CHRNA2: variants seen among roughly 807,000 people sequenced by gnomAD.
CHRNA2 encodes the protein neuronal acetylcholine receptor subunit alpha-2.
A neutral mutation model predicts 45.5 loss-of-function variants in CHRNA2; 40 were observed. The ratio of observed to expected loss-of-function variants is 0.88; its 90% confidence interval spans 0.68 to 1.15. The LOEUF (loss-of-function observed/expected upper bound fraction) is 1.15. Ranked by LOEUF, CHRNA2 falls within the 50% of genes most tolerant of loss-of-function variation. CHRNA2 has a pLI of 0.00. For missense variants in CHRNA2, 655 were observed against 701.7 expected (o/e 0.93, Z 0.75); for synonymous variants, 301 against 296.7 (o/e 1.01, Z -0.15).
chr8:27,470,060 C>A, intron 2 of CHRNA2, 79 bp from the exon 3 acceptor site: 3 of 1,302,660 alleles, frequency 2.3e-6, no homozygotes, highest in Non-Finnish European at 3.3e-6. Context: ...TATCCAGAAC[C>A]TATCTCAAAA....
intron 1 of CHRNA2, among the ~76,000 whole-genome samples, chr8:27,473,622 G>C (rs922921928): frequency 1.3e-5 from 2 of 151,510 alleles, no homozygotes; most frequent in African/African-American, 4.9e-5. Flanking sequence ...AGGGAGGGTC[G>C]TGTGAGCCTG....
Position 27,459,987 on chromosome 8 carries a change from TGTG to T in CHRNA2, c.*1639_*1641del, listed in dbSNP as rs1364162856. On this transcript the variant is annotated 3_prime_UTR_variant, in exon 7 of 7. Coordinates refer to ENST00000407991, the MANE Select transcript of CHRNA2 (RefSeq NM_000742.4). ...CCAGATGTGCCATGAGCAGGGGGGT[TGTG>T]GGAGAGAAGTGAGGCATGGCAGGGC... The T allele has an allele frequency of 6.6e-6, 1 of 152,518 alleles. No homozygotes were observed. Among genetic ancestry groups the T allele is most frequent in the Non-Finnish European group, 1.5e-5 (1 of 68,460 alleles). The allele number at this position is 152,518 out of a possible 1,614,324, so 9.4% of individuals were successfully genotyped here.
At chr8:27,478,790 C>G (rs943883768) in intron 1 of CHRNA2, 34 bp downstream of exon 1, 2 of 152,146 alleles carry the variant, frequency 1.3e-5, no homozygotes, top group African/African-American at 2.4e-5. Context: ...ACATGCATGC[C>G]GCCCTCAACA....
At chr8:27,475,685 G>C (rs1813040013) in intron 1 of CHRNA2, among the ~76,000 whole-genome samples, 1 of 152,034 alleles carries the variant, frequency 6.6e-6, no homozygotes, top group African/African-American at 2.4e-5. Flanking sequence ...GTTAATAATG[G>C]TTACATTATT....
intron 1 of CHRNA2, among the ~76,000 whole-genome samples, chr8:27,473,478 G>A (rs913125908): frequency 1.3e-5 from 2 of 150,992 alleles, no homozygotes; most frequent in African/African-American, 4.9e-5. Flanking sequence ...GATGGAAGGA[G>A]TGTTTGAGCT....
intron 1 of CHRNA2, among the ~76,000 whole-genome samples, chr8:27,471,936 C>G (rs1287636078): frequency 6.6e-6 from 1 of 152,176 alleles, no homozygotes; most frequent in Non-Finnish European, 1.5e-5. Context: ...CAGCCCCACC[C>G]CTCAAACCTC....
intron 5 of CHRNA2, 47 bp downstream of exon 5, chr8:27,467,182 G>T: frequency 6.8e-7 from 1 of 1,478,068 alleles, no homozygotes; most frequent in Non-Finnish European, 9.5e-7. Flanking sequence ...CCCGGCCCCT[G>T]CAAGTTGGCC....
At position 27,469,325 on chromosome 8, in the gene CHRNA2, G is replaced by T. The variant is rs746630071; in HGVS notation, c.339+10C>A. ...ACCCGCCACCTGGACTGGAGGAGGG[G>T]GGCCCTCACCTGTTTTAGCCAGACG... On this transcript the variant is annotated intron_variant, in intron 4 of 6. Coordinates refer to ENST00000407991, the MANE Select transcript of CHRNA2 (RefSeq NM_000742.4). 8.2e-5 allele frequency: 128 copies of T among 1,554,182 alleles called. No individual in the cohort carries two copies. The highest frequency in any genetic ancestry group is 1.1e-4 in the Non-Finnish European group (126 of 1,148,302).
chr8:27,466,896 G>C (rs1168344620), intron 5 of CHRNA2, among the ~76,000 whole-genome samples: 1 of 152,152 alleles, frequency 6.6e-6, no homozygotes, highest in Non-Finnish European at 1.5e-5. Flanking sequence ...GAACAACACT[G>C]CCACCCCTCA....
chr8:27,469,172 GAA>G (rs1812789069), intron 4 of CHRNA2, among the ~76,000 whole-genome samples, 161 bp downstream of exon 4: 1 of 152,172 alleles, frequency 6.6e-6, no homozygotes, highest in African/African-American at 2.4e-5. Context: ...AGGCCCTGTG[GAA>G]AAAGTCAGCT....
At chr8:27,467,194 C>T in intron 5 of CHRNA2, 35 bp downstream of exon 5, 1 of 1,565,022 alleles carries the variant, frequency 6.4e-7, no homozygotes, top group East Asian at 2.2e-5. Flanking sequence ...AAGTTGGCCT[C>T]CCCTCATCCC....
intron 4 of CHRNA2, among the ~76,000 whole-genome samples, chr8:27,468,948 C>T (rs1812783438): frequency 6.6e-6 from 1 of 152,194 alleles, no homozygotes; most frequent in East Asian, 1.9e-4. Context: ...CGGAGTCAGG[C>T]ACAGCTGGGC....
At chr8:27,468,640 G>C (rs1317347688) in intron 4 of CHRNA2, among the ~76,000 whole-genome samples, 19 of 152,200 alleles carry the variant, frequency 1.2e-4, no homozygotes. Flanking sequence ...GCCCATCTGA[G>C]TCCAGCCTTC....
At chr8:27,462,946 C>G in intron 6 of CHRNA2, 33 bp downstream of exon 6, 1 of 1,613,758 alleles carries the variant, frequency 6.2e-7, no homozygotes. Flanking sequence ...GGTGGGGCCA[C>G]CCAGGCTGGC....
At chr8:27,468,588 C>A (rs141418696) in intron 4 of CHRNA2, among the ~76,000 whole-genome samples, 1 of 152,196 alleles carries the variant, frequency 6.6e-6, no homozygotes, top group Non-Finnish European at 1.5e-5. Flanking sequence ...TGTCTGACTC[C>A]CCTGCTGGAG....
At chr8:27,467,188 T>C (rs1288661524) in intron 5 of CHRNA2, 41 bp downstream of exon 5, 2 of 1,516,632 alleles carry the variant, frequency 1.3e-6, no homozygotes, top group African/African-American at 2.8e-5. Flanking sequence ...CCCTGCAAGT[T>C]GGCCTCCCCT....
intron 4 of CHRNA2, among the ~76,000 whole-genome samples, chr8:27,468,885 G>T (rs1373781201): frequency 2.0e-5 from 3 of 152,212 alleles, no homozygotes; most frequent in Non-Finnish European, 1.5e-5. Flanking sequence ...TTATTTGGGT[G>T]GCAGTATAGG....
At chr8:27,469,307 A>C in intron 4 of CHRNA2, 28 bp downstream of exon 4, 1 of 1,531,302 alleles carries the variant, frequency 6.5e-7, no homozygotes, top group Non-Finnish European at 8.8e-7. Flanking sequence ...GGTACCCGCC[A>C]CCTGGACTGG....
intron 2 of CHRNA2, among the ~76,000 whole-genome samples, chr8:27,470,309 G>A (rs1236783982): frequency 1.3e-5 from 2 of 152,156 alleles, no homozygotes; most frequent in African/African-American, 4.8e-5. Context: ...TGGAAGAGAC[G>A]CCTGGTCTAC....
Sources: allele counts gnomAD v4.1 joint callset (sites outside exome capture counted in the v4.1 genomes callset), GRCh38; gene constraint gnomAD v4.1.1; transcripts MANE v1.5; gene names NCBI Gene and HGNC (gene_info 2026-07-23, HGNC 2026-07-21).